Variants in SEMA5A observed in about 807,000 individuals in gnomAD.
The protein encoded by SEMA5A is semaphorin-5A.
SEMA5A carries 55 observed loss-of-function variants against 135.5 expected under a neutral mutation model. That is an observed-to-expected ratio of 0.41 (90% CI 0.33 to 0.51). SEMA5A has a LOEUF of 0.51. Ranked by LOEUF, SEMA5A falls within the 20% of genes least tolerant of loss-of-function variation. The pLI, the probability that SEMA5A is intolerant of heterozygous loss-of-function variation, is 0.37. For synonymous variants in SEMA5A, 580 were observed against 546.5 expected, an observed-to-expected ratio of 1.06 and a Z score of -0.85; for missense variants, 1,290 against 1,419.9, an observed-to-expected ratio of 0.91 and a Z score of 1.47.
At chr5:9,169,464 G>A (rs376526618) in intron 11 of SEMA5A, among the ~76,000 whole-genome samples, 49 of 152,228 alleles carry the variant, frequency 3.2e-4, no homozygotes, top group African/African-American at 1.1e-3. Flanking sequence ...TGATAGCCAC[G>A]GCATGTAAAC....
intron 12 of SEMA5A, among the ~76,000 whole-genome samples, chr5:9,145,587 A>C (rs1474418050): frequency 6.6e-6 from 1 of 152,036 alleles, no homozygotes; most frequent in African/African-American, 2.4e-5. Flanking sequence ...ACATAACTTT[A>C]AATTTGAGAG....
intron 3 of SEMA5A, among the ~76,000 whole-genome samples, chr5:9,354,187 T>C (rs1754342135): frequency 6.6e-6 from 1 of 152,076 alleles, no homozygotes; most frequent in Non-Finnish European, 1.5e-5. Context: ...TTTTGGCCAA[T>C]CTCTTCATGC....
chr5:9,514,119 C>T (rs180682529), intron 1 of SEMA5A, among the ~76,000 whole-genome samples: 1 of 152,292 alleles, frequency 6.6e-6, no homozygotes, highest in East Asian at 1.9e-4. Flanking sequence ...CTAGGGCTTC[C>T]CTTCCATCTA....
intron 22 of SEMA5A, 42 bp downstream of exon 22, chr5:9,044,331 A>AG: frequency 6.5e-7 from 1 of 1,536,086 alleles, no homozygotes; most frequent in African/African-American, 1.4e-5. Context: ...ACAAGTGTTA[A>AG]GGAAAACCAG....
At chr5:9,166,340 A>G (rs1028464217) in intron 11 of SEMA5A, among the ~76,000 whole-genome samples, 3 of 151,954 alleles carry the variant, frequency 2.0e-5, no homozygotes, top group African/African-American at 4.8e-5. Context: ...GGCTCCCACA[A>G]TCACAGGCCG....
Position 9,169,312 on chromosome 5 carries a change from T to A in SEMA5A, c.1274-14617A>T, listed in dbSNP as rs10071103. Among the ~76,000 whole-genome samples the A allele has an allele frequency of 4.8e-3, 730 of 152,314 alleles. 6 individuals are homozygous for A. The highest frequency in any genetic ancestry group is 0.017 in the African/African-American group (701 of 41,558). Reference sequence around the variant, plus strand: ...TCAAATATATACACTTTGTATTTTTTAAAAACCCATAATAACCACCTCTTA... The same window carrying A: ...TCAAATATATACACTTTGTATTTTTAAAAAACCCATAATAACCACCTCTTA... On this transcript the variant is annotated intron_variant, in intron 11 of 22. Transcript: ENST00000382496.
chr5:9,072,018 G>C (rs1737794551), intron 16 of SEMA5A, among the ~76,000 whole-genome samples: 1 of 152,238 alleles, frequency 6.6e-6, no homozygotes, highest in South Asian at 2.1e-4. Context: ...GTTGTACCCA[G>C]TAAGGAAGGT....
At chr5:9,175,270 G>A (rs1425925286) in intron 11 of SEMA5A, among the ~76,000 whole-genome samples, 1 of 152,128 alleles carries the variant, frequency 6.6e-6, no homozygotes, top group Non-Finnish European at 1.5e-5. Flanking sequence ...AGTGGTCCTT[G>A]AATAACTGGG....
chr5:9,454,275 C>T (rs565700513), intron 1 of SEMA5A, among the ~76,000 whole-genome samples: 1 of 152,322 alleles, frequency 6.6e-6, no homozygotes, highest in East Asian at 1.9e-4. Flanking sequence ...GAACCAGATC[C>T]TCATCTTCTC....
intron 16 of SEMA5A, among the ~76,000 whole-genome samples, chr5:9,101,385 G>A (rs1739624791): frequency 6.6e-6 from 1 of 152,082 alleles, no homozygotes; most frequent in Admixed American, 6.5e-5. Context: ...TCTATAAGTT[G>A]GTTACACTAA....
chr5:9,320,452 G>A (rs756666353), intron 4 of SEMA5A, among the ~76,000 whole-genome samples: 8 of 152,192 alleles, frequency 5.3e-5, no homozygotes, highest in Non-Finnish European at 8.8e-5. Context: ...ACATTGCCCC[G>A]TAATCCCAGC....
intron 17 of SEMA5A, among the ~76,000 whole-genome samples, chr5:9,063,638 T>A (rs1737303433): frequency 1.3e-5 from 2 of 152,200 alleles, no homozygotes; most frequent in South Asian, 4.1e-4. Flanking sequence ...CCTGAGAAAC[T>A]CCTGTCTGCT....
intron 18 of SEMA5A, among the ~76,000 whole-genome samples, chr5:9,057,122 G>A (rs1736934392): frequency 6.6e-6 from 1 of 152,154 alleles, no homozygotes; most frequent in Admixed American, 6.5e-5. Context: ...CAGGGACTGG[G>A]GGAGAGGGAA....
intron 16 of SEMA5A, among the ~76,000 whole-genome samples, chr5:9,089,155 T>A (rs1017658624): frequency 2.6e-5 from 4 of 152,204 alleles, no homozygotes; most frequent in Non-Finnish European, 5.9e-5. Flanking sequence ...GGCCAAGCAC[T>A]GGACACTTGC....
chr5:9,045,025 T>A (rs1177737608), intron 21 of SEMA5A, among the ~76,000 whole-genome samples: 1 of 152,128 alleles, frequency 6.6e-6, no homozygotes, highest in Non-Finnish European at 1.5e-5. Flanking sequence ...CCTCAGATGA[T>A]CTGCCAGCCT....
intron 11 of SEMA5A, among the ~76,000 whole-genome samples, chr5:9,155,657 T>C (rs778000216): frequency 3.3e-5 from 5 of 152,210 alleles, no homozygotes; most frequent in Non-Finnish European, 7.3e-5. Flanking sequence ...GTTCTTATTT[T>C]GCAAACACAG....
At position 9,207,135 on chromosome 5, in the gene SEMA5A, A is replaced by ATATATATAT. The variant is rs1579614392; in HGVS notation, c.647-4896_647-4895insATATATATA. The stretch of plus-strand genomic sequence containing the variant: ...ATATATATATATATATATATATATA[A>ATATATATAT]AGCTTAAAGGTCATTAGAATTTTAG... On this transcript the variant is annotated intron_variant, in intron 8 of 22. Coordinates refer to ENST00000382496, the MANE Select transcript of SEMA5A (RefSeq NM_003966.3). Among the ~76,000 whole-genome samples, 4 of 51,766 alleles carry ATATATATAT rather than the reference A, an allele frequency of 7.7e-5. No individual in the cohort carries two copies. The South Asian group carries it at 2.4e-3, about 31-fold the overall frequency. The allele number at this position is 51,766 out of a possible 152,430, so 34.0% of individuals were successfully genotyped here.
intron 1 of SEMA5A, among the ~76,000 whole-genome samples, chr5:9,521,935 G>T (rs912516133): frequency 7.2e-5 from 11 of 152,098 alleles, no homozygotes. Context: ...CTGTCCTCAG[G>T]ATCCTCCCTC....
At chr5:9,258,680 G>A (rs1579729226) in intron 5 of SEMA5A, among the ~76,000 whole-genome samples, 1 of 152,150 alleles carries the variant, frequency 6.6e-6, no homozygotes, top group Admixed American at 6.6e-5. Flanking sequence ...ACCTCAAAGG[G>A]TCTTGGTGAG....
Sources: gnomAD v4.1 joint callset for allele counts (sites outside exome capture counted in the v4.1 genomes callset) on GRCh38, gnomAD v4.1.1 for gene constraint, MANE v1.5 for transcripts, NCBI Gene and HGNC (gene_info 2026-07-23, HGNC 2026-07-21) for gene names.